ENTREP2: variants seen among roughly 807,000 people sequenced by gnomAD.
ENTREP2 encodes protein ENTREP2.
chr15:29,491,023 G>A, the ENTREP2 span, among the ~76,000 whole-genome samples: 1 of 152,186 alleles, frequency 6.6e-6, no homozygotes, highest in Non-Finnish European at 1.5e-5. Flanking sequence ...CCTGACCCGT[G>A]GGGAGGCGGC....
the ENTREP2 span, among the ~76,000 whole-genome samples, chr15:29,657,047 T>C: frequency 1.3e-5 from 2 of 152,238 alleles, no homozygotes; most frequent in African/African-American, 4.8e-5. Context: ...GTGGTGAGTG[T>C]TACAGCTCTT....
At chr15:29,578,327 C>G in the ENTREP2 span, among the ~76,000 whole-genome samples, 3 of 152,044 alleles carry the variant, frequency 2.0e-5, no homozygotes, top group Non-Finnish European at 4.4e-5. Flanking sequence ...AGGTATATAC[C>G]CAAAGGAAGT....
the ENTREP2 span, among the ~76,000 whole-genome samples, chr15:29,459,565 C>T: frequency 1.3e-5 from 2 of 152,176 alleles, no homozygotes; most frequent in Non-Finnish European, 2.9e-5. Flanking sequence ...AGATTATCGC[C>T]AACAGCCAGT....
the ENTREP2 span, among the ~76,000 whole-genome samples, chr15:29,329,016 T>C: frequency 2.6e-5 from 4 of 152,134 alleles, no homozygotes; most frequent in East Asian, 7.7e-4. Context: ...ATACCTTTGA[T>C]AAAATTTATC....
chr15:29,469,858 G>A, the ENTREP2 span, among the ~76,000 whole-genome samples: 23 of 152,172 alleles, frequency 1.5e-4, no homozygotes, highest in Non-Finnish European at 2.8e-4. Flanking sequence ...CAGGTCCCCC[G>A]TAAGACTCTG....
At chr15:29,529,252 T>TG in the ENTREP2 span, among the ~76,000 whole-genome samples, 1 of 23,914 alleles carries the variant, frequency 4.2e-5, no homozygotes, top group African/African-American at 1.6e-4. Flanking sequence ...GAGGGGTGTG[T>TG]GAGGGTGTGG....
chr15:29,603,702 G>T, the ENTREP2 span, among the ~76,000 whole-genome samples: 3 of 152,162 alleles, frequency 2.0e-5, no homozygotes, highest in Non-Finnish European at 4.4e-5. Flanking sequence ...GCAATGGCAT[G>T]ATCTTGGCTC....
At chr15:29,383,164 T>A in the ENTREP2 span, among the ~76,000 whole-genome samples, 1 of 152,092 alleles carries the variant, frequency 6.6e-6, no homozygotes, top group Non-Finnish European at 1.5e-5. Context: ...TCGAGTACCA[T>A]CCACTGGTAT....
the ENTREP2 span, among the ~76,000 whole-genome samples, chr15:29,160,354 AAGT>A: frequency 6.6e-6 from 1 of 152,114 alleles, no homozygotes; most frequent in African/African-American, 2.4e-5. Flanking sequence ...AGGGCTCCTC[AAGT>A]GCCGCCAAAG....
At chr15:29,378,349 T>C in the ENTREP2 span, among the ~76,000 whole-genome samples, 1 of 152,194 alleles carries the variant, frequency 6.6e-6, no homozygotes, top group East Asian at 1.9e-4. Context: ...AGAACATCTT[T>C]GGTCACATTT....
At chr15:29,255,727 C>T in the ENTREP2 span, among the ~76,000 whole-genome samples, 27 of 152,128 alleles carry the variant, frequency 1.8e-4, no homozygotes, top group African/African-American at 6.3e-4. Flanking sequence ...CATGGCCAGG[C>T]GCGGTGGCTC....
chr15:29,305,900 G>A, the ENTREP2 span, among the ~76,000 whole-genome samples: 15 of 152,206 alleles, frequency 9.9e-5, 1 homozygote, highest in South Asian at 2.1e-4. Context: ...TCGGGGCTTC[G>A]TGCTGAAGCA....
At chr15:29,627,146 G>A in the ENTREP2 span, among the ~76,000 whole-genome samples, 9 of 152,144 alleles carry the variant, frequency 5.9e-5, 1 homozygote, top group South Asian at 6.2e-4. Context: ...CACAAATTTC[G>A]ATGTGATGTG....
chr15:29,182,529 T>C, the ENTREP2 span, among the ~76,000 whole-genome samples: 5 of 152,154 alleles, frequency 3.3e-5, no homozygotes, highest in East Asian at 9.6e-4. Flanking sequence ...ATATTAAAAA[T>C]GGTAACATTT....
chr15:29,566,953 G>T, the ENTREP2 span, among the ~76,000 whole-genome samples: 1 of 151,822 alleles, frequency 6.6e-6, no homozygotes, highest in Admixed American at 6.6e-5. Context: ...GTAGCTGTTT[G>T]TCCCTGAGTT....
chr15:29,371,089 G>C, the ENTREP2 span, among the ~76,000 whole-genome samples: 1 of 151,968 alleles, frequency 6.6e-6, no homozygotes, highest in South Asian at 2.1e-4. Context: ...GGCACAACTT[G>C]AGGTACCTCT....
chr15:29,355,426 T>TA, the ENTREP2 span, among the ~76,000 whole-genome samples: 1 of 151,304 alleles, frequency 6.6e-6, no homozygotes, highest in Non-Finnish European at 1.5e-5. Flanking sequence ...TTTTTTTTTT[T>TA]AAGCTTAAAA....
At chr15:29,210,513 G>A in the ENTREP2 span, among the ~76,000 whole-genome samples, 1 of 152,186 alleles carries the variant, frequency 6.6e-6, no homozygotes, top group African/African-American at 2.4e-5. Flanking sequence ...ATTCTCATAG[G>A]AGCGCGATTC....
the ENTREP2 span, among the ~76,000 whole-genome samples, chr15:29,441,418 A>G: frequency 6.6e-6 from 1 of 152,160 alleles, no homozygotes; most frequent in Non-Finnish European, 1.5e-5. Context: ...AAGGTGACTA[A>G]TAATCCCCCA....
Sources: allele counts gnomAD v4.1 joint callset (sites outside exome capture counted in the v4.1 genomes callset), GRCh38; gene constraint gnomAD v4.1.1; transcripts MANE v1.5; gene names NCBI Gene and HGNC (gene_info 2026-07-23, HGNC 2026-07-21).